ENDOV: variants seen among roughly 807,000 people sequenced by gnomAD.
ENDOV encodes hEndoV.
Under a neutral mutation model 39.4 loss-of-function variants are expected in ENDOV, and 37 were observed. The ratio of observed to expected loss-of-function variants is 0.94; its 90% CI spans 0.72 to 1.23. The LOEUF (loss-of-function observed/expected upper bound fraction) is 1.23, where lower values mean the gene tolerates loss of function less well. Ranked by LOEUF, ENDOV falls within the 50% of genes most tolerant of loss-of-function variation. ENDOV has a pLI of 0.00. For synonymous variants in ENDOV, 186 were observed against 163.4 expected, an observed-to-expected ratio of 1.14 and a Z score of -1.05; for missense variants, 441 against 375.7, an observed-to-expected ratio of 1.17 and a Z score of -1.44.
At chr17:80,427,906 G>A (rs1400651575) in intron 7 of ENDOV, 41 of 1,216,646 alleles carry the variant, frequency 3.4e-5, no homozygotes, top group Non-Finnish European at 2.1e-5. Flanking sequence ...AATGGAAGCA[G>A]GAGCAGGCTG....
intron 1 of ENDOV, 199 bp downstream of exon 1, chr17:80,415,449 G>C (rs1385888789): frequency 1.0e-6 from 1 of 988,154 alleles, no homozygotes; most frequent in African/African-American, 1.6e-5. Flanking sequence ...TCTCGCTTCC[G>C]GCCAGTTTGT....
intron 4 of ENDOV, 40 bp from the exon 5 acceptor site, chr17:80,423,480 G>GCCC: frequency 2.6e-4 from 207 of 796,054 alleles, no homozygotes; most frequent in Non-Finnish European, 3.5e-4. Context: ...CCAGGCCCCA[G>GCCC]CCCCACCTCC....
chr17:80,425,035 C>T lies in ENDOV; in HGVS notation c.520C>T (p.Arg174Ter), dbSNP rs199843685. The T allele has an allele frequency of 2.3e-4, 363 of 1,612,082 alleles. 1 individual carries two copies. Among genetic ancestry groups the T allele is most frequent in the South Asian group, 2.5e-4 (23 of 90,574 alleles). Residue 174 changes from arginine to a stop codon, truncating the protein, a stop_gained, in exon 6 of 10, where the codon CGA becomes TGA. Coordinates refer to ENST00000518137, the MANE Select transcript of ENDOV (RefSeq NM_173627.5). LOFTEE classifies it high-confidence loss of function. ...ENNALHKEKI[R>*]LLQTRGDSFP... ...CATTTTTCCCTCCATTTTCCAGATC[C>T]GACTCCTGCAGACTCGAGGAGACTC...
chr17:80,435,204 G>T (rs2083530818), intron 9 of ENDOV, among the ~76,000 whole-genome samples: 1 of 152,068 alleles, frequency 6.6e-6, no homozygotes, highest in South Asian at 2.1e-4. Context: ...TCTTGTTAGT[G>T]TCCTTTGATG....
At chr17:80,428,751 A>G in intron 8 of ENDOV, 91 bp downstream of exon 8, 1 of 1,290,492 alleles carries the variant, frequency 7.7e-7, no homozygotes, top group Middle Eastern at 1.9e-4. Flanking sequence ...CCTTGTTGCA[A>G]TATTGTGGCT....
Position 80,436,465 on chromosome 17 carries a change from A to T in ENDOV, c.*322A>T. ...CGGTCCCTTCTAGTCCTAATTTGTT[A>T]AGTGTTTTTATCCTTAAAGGGTACT... On this transcript the variant is annotated 3_prime_UTR_variant, in exon 10 of 10. Transcript: ENST00000518137. The T allele has an allele frequency of 1.1e-6, 1 of 950,512 alleles. No homozygotes were observed. Among genetic ancestry groups the T allele is most frequent in the Non-Finnish European group, 1.4e-6 (1 of 709,816 alleles). The allele number at this position is 950,512 out of a possible 1,614,324, so 58.9% of individuals were successfully genotyped here.
In ENDOV at chr17:80,429,837, G is replaced by C. The variant is rs2145114526; in HGVS notation, c.838+6G>C. ...AGACTCCGGAGAGTCCTCAGGTGAGGGCCAGCCCCCACAGGACCACAGCCC... is the reference window on the plus strand; with the variant it reads ...AGACTCCGGAGAGTCCTCAGGTGAGCGCCAGCCCCCACAGGACCACAGCCC... On this transcript the variant is annotated splice_donor_region_variant and intron_variant, in intron 9 of 9. Transcript: ENST00000518137. The C allele has an allele frequency of 1.2e-6, 2 of 1,612,736 alleles. No homozygotes were observed. The highest frequency in any genetic ancestry group is 2.2e-5 in the South Asian group (2 of 91,088).
At chr17:80,424,216 G>A (rs1950296971) in intron 5 of ENDOV, 1 of 399,460 alleles carries the variant, frequency 2.5e-6, no homozygotes, top group African/African-American at 2.1e-5. Context: ...CAGAGACTGT[G>A]TCTCTCATTC....
chr17:80,424,684 G>C, intron 5 of ENDOV, among the ~76,000 whole-genome samples: 1 of 152,296 alleles, frequency 6.6e-6, no homozygotes, highest in South Asian at 2.1e-4. Flanking sequence ...GGCCGGTTGC[G>C]GTGGCTCACT....
At chr17:80,420,835 G>A (rs1374270874) in intron 2 of ENDOV, among the ~76,000 whole-genome samples, 1 of 152,164 alleles carries the variant, frequency 6.6e-6, no homozygotes, top group African/African-American at 2.4e-5. Context: ...GCGCCACCAC[G>A]CCCAGATAAT....
intron 8 of ENDOV, among the ~76,000 whole-genome samples, chr17:80,429,291 G>A (rs2083116347): frequency 6.6e-6 from 1 of 152,204 alleles, no homozygotes; most frequent in Admixed American, 6.5e-5. Context: ...TGTTGATAAG[G>A]AGTAAAGCAG....
chr17:80,429,957 A>G (rs1452117852), intron 9 of ENDOV, 126 bp downstream of exon 9: 5 of 1,567,636 alleles, frequency 3.2e-6, no homozygotes, highest in Non-Finnish European at 4.3e-6. Flanking sequence ...CAAGAAGGCC[A>G]CCGGCCACCC....
At chr17:80,428,876 A>G (rs1170859544) in intron 8 of ENDOV, among the ~76,000 whole-genome samples, 1 of 152,108 alleles carries the variant, frequency 6.6e-6, no homozygotes, top group Non-Finnish European at 1.5e-5. Context: ...CAGAAACACC[A>G]CTGCCTCCAC....
chr17:80,425,230 C>T, intron 6 of ENDOV, 130 bp downstream of exon 6: 1 of 884,082 alleles, frequency 1.1e-6, no homozygotes, highest in Admixed American at 2.5e-5. Context: ...CCCGTCCATC[C>T]ATCCTCCTGC....
chr17:80,435,413 G>A (rs539949230), intron 9 of ENDOV, among the ~76,000 whole-genome samples: 37 of 152,212 alleles, frequency 2.4e-4, no homozygotes, highest in Non-Finnish European at 4.7e-4. Context: ...GTGTAAGGGA[G>A]CAGGTCCCAT....
intron 8 of ENDOV, among the ~76,000 whole-genome samples, chr17:80,429,111 T>C (rs2083094599): frequency 6.6e-6 from 1 of 152,218 alleles, no homozygotes; most frequent in South Asian, 2.1e-4. Flanking sequence ...CTGTAATTCT[T>C]GTCCCACTGG....
rs774452424 is a variant in ENDOV at position 80,422,260 on chromosome 17, G to T, written c.403+15G>T. 1.9e-6 allele frequency: 3 copies of T among 1,613,414 alleles called. No individual in the cohort carries two copies. The South Asian group carries it at 3.3e-5, about 18-fold the overall frequency. On this transcript the variant is annotated intron_variant, in intron 4 of 9. Coordinates refer to ENST00000518137, the MANE Select transcript of ENDOV (RefSeq NM_173627.5). Reference sequence around the variant, plus strand: ...CCACCACCGAGGTAATCCTGCTCTTGGAGGTCCAGGGAGGGCACTGTGGGG... The same window carrying T: ...CCACCACCGAGGTAATCCTGCTCTTTGAGGTCCAGGGAGGGCACTGTGGGG...
chr17:80,422,590 C>T (rs540270361), intron 4 of ENDOV, among the ~76,000 whole-genome samples: 5 of 152,258 alleles, frequency 3.3e-5, no homozygotes, highest in Non-Finnish European at 7.3e-5. Flanking sequence ...CCTTCCCTGC[C>T]AGCCGCCCAA....
At chr17:80,415,850 C>T (rs997388621) in intron 2 of ENDOV, 29 bp downstream of exon 2, 1 of 1,567,212 alleles carries the variant, frequency 6.4e-7, no homozygotes, top group South Asian at 1.2e-5. Context: ...GAGCTCGAGG[C>T]GGGCCCCTCG....
Sources: gnomAD v4.1 joint callset for allele counts (sites outside exome capture counted in the v4.1 genomes callset) on GRCh38, gnomAD v4.1.1 for gene constraint, MANE v1.5 for transcripts, NCBI Gene and HGNC (gene_info 2026-07-23, HGNC 2026-07-21) for gene names.